RPS6KA5: variants seen among roughly 807,000 people sequenced by gnomAD.
RPS6KA5 encodes ribosomal protein S6 kinase alpha-5.
In RPS6KA5, 27 loss-of-function variants were observed where a neutral mutation model predicts 85.5. That is an observed-to-expected ratio of 0.32 (90% CI 0.23 to 0.44). RPS6KA5 has a LOEUF of 0.44. RPS6KA5 is among the 20% of genes least tolerant of loss of function. The pLI, the probability that RPS6KA5 is intolerant of heterozygous loss-of-function variation, is 1.00. For missense variants in RPS6KA5, 811 were observed against 980.9 expected (o/e 0.83, Z 2.31); for synonymous variants, 334 against 348.2 (o/e 0.96, Z 0.46).
At chr14:90,970,433 G>A (rs923650147) in intron 3 of RPS6KA5, among the ~76,000 whole-genome samples, 2 of 152,186 alleles carry the variant, frequency 1.3e-5, no homozygotes, top group African/African-American at 4.8e-5. Flanking sequence ...TCCATTGAAA[G>A]AATGACTCAT....
At chr14:90,889,228 A>AG (rs1436953516) in intron 14 of RPS6KA5, among the ~76,000 whole-genome samples, 1 of 133,316 alleles carries the variant, frequency 7.5e-6, no homozygotes, top group Non-Finnish European at 1.6e-5. Context: ...CGGGAGGCGG[A>AG]GGTTGCAGTG....
chr14:90,968,632 A>G (rs1256367767), intron 3 of RPS6KA5, among the ~76,000 whole-genome samples: 1 of 152,172 alleles, frequency 6.6e-6, no homozygotes, highest in African/African-American at 2.4e-5. Context: ...TTCAGTCCTC[A>G]TATTACTTAA....
At chr14:90,991,309 G>A (rs973683930) in intron 2 of RPS6KA5, among the ~76,000 whole-genome samples, 3 of 152,156 alleles carry the variant, frequency 2.0e-5, no homozygotes, top group Non-Finnish European at 4.4e-5. Flanking sequence ...CATGCATAAG[G>A]TAAAATGAGT....
At chr14:90,989,142 A>G (rs2040194722) in intron 2 of RPS6KA5, among the ~76,000 whole-genome samples, 1 of 152,186 alleles carries the variant, frequency 6.6e-6, no homozygotes, top group Non-Finnish European at 1.5e-5. Context: ...ACCATAACCC[A>G]TGGTTATCTA....
rs1301362556 is a variant in RPS6KA5 at position 90,862,428 on chromosome 14, C to G, written c.*9646G>C. On this transcript the variant is annotated 3_prime_UTR_variant, in exon 17 of 17. Coordinates refer to ENST00000614987, the MANE Select transcript of RPS6KA5 (RefSeq NM_004755.4). Reference sequence around the variant, plus strand: ...ACAGAAAAATTACAGGTCTGTCCTTCTTCTTCCTCCTCCTCCTCCTCCTCC... The same window carrying G: ...ACAGAAAAATTACAGGTCTGTCCTTGTTCTTCCTCCTCCTCCTCCTCCTCC... 2 of 144,146 alleles carry G rather than the reference C, an allele frequency of 1.4e-5. No homozygotes were observed. The highest frequency in any genetic ancestry group is 3.1e-5 in the Non-Finnish European group (2 of 65,568). 8.9% of individuals were successfully genotyped at this position (144,146 alleles called of 1,614,324 possible).
At chr14:90,881,936 C>G (rs2033868917) in intron 14 of RPS6KA5, among the ~76,000 whole-genome samples, 1 of 152,122 alleles carries the variant, frequency 6.6e-6, no homozygotes. Context: ...TCCATTATGC[C>G]AATCTTTGAC....
chr14:91,053,581 T>C (rs1266070330), intron 1 of RPS6KA5, among the ~76,000 whole-genome samples: 1 of 152,180 alleles, frequency 6.6e-6, no homozygotes, highest in African/African-American at 2.4e-5. Flanking sequence ...AAGAAACTAG[T>C]TCCTTTTACT....
intron 7 of RPS6KA5, among the ~76,000 whole-genome samples, chr14:90,912,709 C>G (rs1224551197): frequency 1.3e-5 from 2 of 152,008 alleles, no homozygotes; most frequent in Non-Finnish European, 2.9e-5. Flanking sequence ...TCCACTTAAC[C>G]TGTGTTTCCC....
intron 4 of RPS6KA5, among the ~76,000 whole-genome samples, chr14:90,947,234 A>G (rs1286883106): frequency 6.6e-6 from 1 of 152,232 alleles, no homozygotes; most frequent in East Asian, 1.9e-4. Context: ...GTTCTTTTTA[A>G]TCTCTATCAT....
At position 90,919,328 on chromosome 14, in the gene RPS6KA5, T is replaced by A. The variant is rs573184835; in HGVS notation, c.806+878A>T. The stretch of plus-strand genomic sequence containing the variant: ...AAGAACACTGTCCTTCACTTCCAGA[T>A]GTCCAATGTCTTCAAATCTGTTGTT... On this transcript the variant is annotated intron_variant, in intron 7 of 16. Transcript: ENST00000614987. Among the ~76,000 whole-genome samples the A allele has an allele frequency of 2.1e-3, 326 of 152,238 alleles. 2 individuals carry two copies. Among genetic ancestry groups the A allele is most frequent in the Non-Finnish European group, 3.3e-3 (222 of 68,034 alleles).
chr14:91,002,234 T>C (rs1245471303), intron 1 of RPS6KA5, among the ~76,000 whole-genome samples: 1 of 152,106 alleles, frequency 6.6e-6, no homozygotes, highest in Non-Finnish European at 1.5e-5. Flanking sequence ...GTGATTTACT[T>C]TGAAATGCAT....
intron 3 of RPS6KA5, among the ~76,000 whole-genome samples, chr14:90,959,385 T>C (rs375937730): frequency 6.6e-5 from 10 of 152,198 alleles, no homozygotes; most frequent in Admixed American, 1.3e-4. Flanking sequence ...CTGGCTACTG[T>C]ATTGAGAATA....
chr14:90,987,489 G>T (rs2040104566), intron 2 of RPS6KA5, among the ~76,000 whole-genome samples: 1 of 151,684 alleles, frequency 6.6e-6, no homozygotes, highest in Non-Finnish European at 1.5e-5. Context: ...TAAATCTGTA[G>T]TAAAAAAAAG....
At chr14:90,914,842 C>T (rs762409278) in intron 7 of RPS6KA5, among the ~76,000 whole-genome samples, 1 of 152,158 alleles carries the variant, frequency 6.6e-6, no homozygotes, top group Non-Finnish European at 1.5e-5. Flanking sequence ...GACTCTAGTC[C>T]GGAGCTGCTG....
intron 3 of RPS6KA5, among the ~76,000 whole-genome samples, chr14:90,954,903 T>A (rs1023680528): frequency 6.6e-6 from 1 of 152,250 alleles, no homozygotes; most frequent in African/African-American, 2.4e-5. Context: ...CAGTTGTTCA[T>A]GATGATCCTT....
chr14:91,035,725 A>T (rs2042368269), intron 1 of RPS6KA5, among the ~76,000 whole-genome samples: 1 of 152,026 alleles, frequency 6.6e-6, no homozygotes, highest in Non-Finnish European at 1.5e-5. Context: ...GGGCTATGGA[A>T]TGTTTTAAGT....
At chr14:90,990,193 C>T (rs1229130914) in intron 2 of RPS6KA5, among the ~76,000 whole-genome samples, 1 of 152,026 alleles carries the variant, frequency 6.6e-6, no homozygotes, top group Admixed American at 6.6e-5. Flanking sequence ...AAAAAACAAA[C>T]GATCCCATTA....
At chr14:90,925,723 AT>A (rs1185445205) in intron 5 of RPS6KA5, among the ~76,000 whole-genome samples, 16 of 151,848 alleles carry the variant, frequency 1.1e-4, no homozygotes, top group Admixed American at 3.9e-4. Flanking sequence ...GATAAAAGAC[AT>A]AAAATAAGAC....
At chr14:91,021,006 C>T (rs1002879193) in intron 1 of RPS6KA5, among the ~76,000 whole-genome samples, 1 of 152,108 alleles carries the variant, frequency 6.6e-6, no homozygotes, top group African/African-American at 2.4e-5. Flanking sequence ...TCATTAATGA[C>T]ATTAGATTTA....
Sources: gnomAD v4.1 joint callset for allele counts (sites outside exome capture counted in the v4.1 genomes callset) on GRCh38, gnomAD v4.1.1 for gene constraint, MANE v1.5 for transcripts, NCBI Gene and HGNC (gene_info 2026-07-23, HGNC 2026-07-21) for gene names.